Variants in RAB24 observed in about 807,000 individuals in gnomAD.
The protein encoded by RAB24 is RAB24, member RAS oncogene family.
RAB24 carries 9 observed loss-of-function variants against 31.4 expected under a neutral mutation model. The observed-to-expected ratio is 0.29, with a 90% CI of 0.17 to 0.50. The LOEUF is 0.50. Ranked by LOEUF, RAB24 falls within the 20% of genes least tolerant of loss-of-function variation. The pLI is 0.98. For missense variants in RAB24, 197 were observed against 265.2 expected (o/e 0.74, Z 1.79); for synonymous variants, 106 against 94.1 (o/e 1.13, Z -0.73).
Position 177,301,609 on chromosome 5 carries a change from C to G in RAB24, c.*134G>C, listed in dbSNP as rs1239490178. 2 of 999,042 alleles carry G rather than the reference C, an allele frequency of 2.0e-6. No homozygotes were observed. Among genetic ancestry groups the G allele is most frequent in the African/African-American group, 3.2e-5 (2 of 62,146 alleles). The allele number at this position is 999,042 out of a possible 1,614,324, so 61.9% of individuals were successfully genotyped here. A position where few individuals can be genotyped will look rare whatever the true frequency, so the allele number is the denominator to read the frequency against. On this transcript the variant is annotated 3_prime_UTR_variant, in exon 8 of 8. Transcript: ENST00000303251. ...ATGCTGTCTCCGTTCCATGGGCCAG[C>G]ACAGGCAGGCGCCACTCTGCTGACA...
intron 4 of RAB24, 32 bp from the exon 5 acceptor site, chr5:177,302,528 G>A (rs374645118): frequency 2.5e-6 from 4 of 1,613,830 alleles, no homozygotes; most frequent in South Asian, 2.2e-5. Flanking sequence ...ACCTCCACAG[G>A]CCAACAAAAC....
In RAB24 at chr5:177,303,150, T is replaced by A; in HGVS notation, c.117+22A>T. On this transcript the variant is annotated intron_variant, in intron 1 of 7. Transcript: ENST00000303251. This position sits in a 1 kb window ranked among gnomAD's most constrained non-coding sequence, Gnocchi z 6.1. The stretch of plus-strand genomic sequence containing the variant: ...CCCCCACTCCCCCGCCCACCGTGCC[T>A]GGCCCCTCCGGATGCACTCACGTTC... The A allele has an allele frequency of 1.9e-6, 3 of 1,598,318 alleles. No homozygotes were observed. The highest frequency in any genetic ancestry group is 2.6e-6 in the Non-Finnish European group (3 of 1,166,526).
In RAB24 at chr5:177,303,002, G is replaced by GACTT. The variant is rs1561590166; in HGVS notation, c.186+3_186+6dup. ...GTCTCCCAAGAATAGATGGCCGGGG[G>GACTT]ACTTACCCAAATACCTAATGTCACA... On this transcript the variant is annotated splice_region_variant and intron_variant, in intron 2 of 7. Coordinates refer to ENST00000303251, the MANE Select transcript of RAB24 (RefSeq NM_001031677.4). This position sits in a 1 kb window ranked among gnomAD's most constrained non-coding sequence, Gnocchi z 6.1. The GACTT allele has an allele frequency of 6.2e-7, 1 of 1,613,916 alleles. No homozygotes were observed. The highest frequency in any genetic ancestry group is 1.1e-5 in the South Asian group (1 of 91,082).
In RAB24 at chr5:177,301,824, T is replaced by G; in HGVS notation, c.548-17A>C. The G allele has an allele frequency of 6.2e-7, 1 of 1,614,024 alleles. No individual in the cohort carries two copies. Among genetic ancestry groups the G allele is most frequent in the Non-Finnish European group, 8.5e-7 (1 of 1,179,974 alleles). On this transcript the variant is annotated splice_polypyrimidine_tract_variant and intron_variant, in intron 7 of 7. Coordinates refer to ENST00000303251, the MANE Select transcript of RAB24 (RefSeq NM_001031677.4). ...CCTTGTCCTCTGTCAAAAAGAGAGG[T>G]GGCAGCTCAGCACCATTCTGTTGGG... is the stretch of plus-strand genomic sequence containing the variant.
chr5:177,302,256 G>A, intron 5 of RAB24, 78 bp from the exon 6 acceptor site: 2 of 1,578,834 alleles, frequency 1.3e-6, no homozygotes, highest in Non-Finnish European at 1.7e-6. Context: ...AGTTCAGGGA[G>A]TCTCCTGGAC....
chr5:177,301,512 A>T lies in RAB24; in HGVS notation c.*231T>A, dbSNP rs1760647036. 1.7e-6 allele frequency: 1 copy of T among 586,620 alleles called. No homozygotes were observed. Among genetic ancestry groups the T allele is most frequent in the African/African-American group, 1.9e-5 (1 of 53,724 alleles). The allele number at this position is 586,620 out of a possible 1,614,324, so 36.3% of individuals were successfully genotyped here. ...AAAGCCACTTAAATAATCTGCAGAC[A>T]CAAGTGCTGTCCAGGGCAGAAGCCT... is the stretch of plus-strand genomic sequence containing the variant. On this transcript the variant is annotated 3_prime_UTR_variant, in exon 8 of 8. Coordinates refer to ENST00000303251, the MANE Select transcript of RAB24 (RefSeq NM_001031677.4).
Position 177,301,393 on chromosome 5 carries a change from C to A in RAB24, c.*350G>T. 3.6e-6 allele frequency: 1 copy of A among 281,016 alleles called. No individual in the cohort carries two copies. The highest frequency in any genetic ancestry group is 6.8e-6 in the Non-Finnish European group (1 of 146,336). 17.4% of individuals were successfully genotyped at this position (281,016 alleles called of 1,614,324 possible). The stretch of plus-strand genomic sequence containing the variant: ...ATAAGCAGTGAGGCCAGCCGGGTGG[C>A]CCCAGGAAGAACTAGGTGTCTTGAC... On this transcript the variant is annotated 3_prime_UTR_variant, in exon 8 of 8. Transcript: ENST00000303251.
intron 5 of RAB24, 25 bp downstream of exon 5, chr5:177,302,369 ACCC>A (rs779133049): frequency 1.2e-6 from 2 of 1,607,048 alleles, no homozygotes; most frequent in Non-Finnish European, 1.7e-6. Flanking sequence ...ACACACCCCC[ACCC>A]CCCAAAGGGC....
At chr5:177,302,876 C>T (rs1269902977) in intron 2 of RAB24, 46 bp from the exon 3 acceptor site, 2 of 1,604,958 alleles carry the variant, frequency 1.2e-6, no homozygotes, top group East Asian at 4.5e-5. Flanking sequence ...GTTCTCCAGA[C>T]CCCGCTATTT....
Position 177,302,989 on chromosome 5 carries a change from T to C in RAB24, c.186+20A>G, listed in dbSNP as rs762048494. ...TCCTCAGGAATGAGTCTCCCAAGAA[T>C]AGATGGCCGGGGGACTTACCCAAAT... On this transcript the variant is annotated intron_variant, in intron 2 of 7. Transcript: ENST00000303251. 2.5e-6 allele frequency: 4 copies of C among 1,612,902 alleles called. No individual in the cohort carries two copies. The African/African-American group carries it at 4.0e-5, about 16-fold the overall frequency.
rs768220706 is a variant in RAB24 at position 177,302,734 on chromosome 5, AACCC to A, written c.265+14_265+17del. The A allele has an allele frequency of 3.9e-6, 5 of 1,292,092 alleles. No individual in the cohort carries two copies. The African/African-American group carries it at 1.2e-4, about 31-fold the overall frequency. The allele number at this position is 1,292,092 out of a possible 1,614,324, so 80.0% of individuals were successfully genotyped here. A position where few individuals can be genotyped will look rare whatever the true frequency, so the allele number is the denominator to read the frequency against. On this transcript the variant is annotated intron_variant, in intron 3 of 7. Coordinates refer to ENST00000303251, the MANE Select transcript of RAB24 (RefSeq NM_001031677.4). Reference sequence around the variant, plus strand: ...CCATCTTTTCTTGTGAGACAGCCCAAACCCCCCCCCCCCTTACCATAGCAGACGA... The same window carrying A: ...CCATCTTTTCTTGTGAGACAGCCCAACCCCCCCCCTTACCATAGCAGACGA...
In RAB24 at chr5:177,301,949, C is replaced by T; in HGVS notation, c.523G>A (p.Val175Met). ...CCTGTCATCACCTGGAAGGCAGCCACACTGACGTAATCCTCTGCCACTTTC... is the reference window on the plus strand; with the variant it reads ...CCTGTCATCACCTGGAAGGCAGCCATACTGACGTAATCCTCTGCCACTTTC... ...FQKVAEDYVS[V>M]AAFQVMTEDK... The change falls in exon 7 of 8, where the codon GTG becomes ATG. Residue 175 changes from valine to methionine, a missense_variant. Transcript: ENST00000303251. 1 of 1,614,234 alleles carries T rather than the reference C, an allele frequency of 6.2e-7. No homozygotes were observed. The highest frequency in any genetic ancestry group is 1.3e-5 in the African/African-American group (1 of 75,058).
chr5:177,302,545 C>T (rs1760715233), intron 4 of RAB24, 32 bp downstream of exon 4: 2 of 1,614,110 alleles, frequency 1.2e-6, no homozygotes, highest in South Asian at 1.1e-5. Flanking sequence ...AAACCCCAGC[C>T]CCTAGTGTTC....
At position 177,302,723 on chromosome 5, in the gene RAB24, G is replaced by T. The variant is rs1205598582; in HGVS notation, c.265+29C>A. The T allele has an allele frequency of 1.3e-5, 20 of 1,599,804 alleles. No individual in the cohort carries two copies. The Admixed American group carries it at 3.4e-4, about 27-fold the overall frequency. On this transcript the variant is annotated intron_variant, in intron 3 of 7. Coordinates refer to ENST00000303251, the MANE Select transcript of RAB24 (RefSeq NM_001031677.4). The stretch of plus-strand genomic sequence containing the variant: ...TAGCCTGGCACCCATCTTTTCTTGT[G>T]AGACAGCCCAAACCCCCCCCCCCCT...
chr5:177,302,719 TTG>T (rs1321485552), intron 3 of RAB24, 31 bp downstream of exon 3: 6 of 1,606,684 alleles, frequency 3.7e-6, no homozygotes, highest in African/African-American at 1.4e-5. Flanking sequence ...CCATCTTTTC[TTG>T]TGAGACAGCC....
At chr5:177,302,206 T>C (rs777707780) in intron 5 of RAB24, 28 bp from the exon 6 acceptor site, 3 of 1,612,028 alleles carry the variant, frequency 1.9e-6, no homozygotes, top group Non-Finnish European at 1.7e-6. Flanking sequence ...TAAAGCCTCA[T>C]ACCTGAGAAT....
Position 177,302,004 on chromosome 5 carries a change from T to TG in RAB24, c.485-18dup, listed in dbSNP as rs1760679437. On this transcript the variant is annotated splice_polypyrimidine_tract_variant and intron_variant, in intron 6 of 7. Coordinates refer to ENST00000303251, the MANE Select transcript of RAB24 (RefSeq NM_001031677.4). ...AGAGCTCGTCTGGCAGGAAAAATGATGATCAGCGAGGGCCCAATGCCAGTA... is the reference window on the plus strand; with the variant it reads ...AGAGCTCGTCTGGCAGGAAAAATGATGGATCAGCGAGGGCCCAATGCCAGTA... The TG allele has an allele frequency of 6.2e-7, 1 of 1,614,068 alleles. No individual in the cohort carries two copies. The highest frequency in any genetic ancestry group is 1.1e-5 in the South Asian group (1 of 91,086).
At position 177,303,709 on chromosome 5, in the gene RAB24, G is replaced by C. The variant is rs1389563826; in HGVS notation, c.-421C>G. ...CCGCAGCGCCGCGACTCCCGCGGGAGGGGGCTAGAGGGCGAGGGGGCGGGG... is the reference window on the plus strand; with the variant it reads ...CCGCAGCGCCGCGACTCCCGCGGGACGGGGCTAGAGGGCGAGGGGGCGGGG... On this transcript the variant is annotated 5_prime_UTR_variant, in exon 1 of 8. Coordinates refer to ENST00000303251, the MANE Select transcript of RAB24 (RefSeq NM_001031677.4). The surrounding 1 kb of genome is among the most constrained non-coding windows in gnomAD (Gnocchi z 6.1). 2.8e-6 allele frequency: 1 copy of C among 358,310 alleles called. No individual in the cohort carries two copies. Among genetic ancestry groups the C allele is most frequent in the Non-Finnish European group, 5.0e-6 (1 of 200,514 alleles). The allele number at this position is 358,310 out of a possible 1,614,324, so 22.2% of individuals were successfully genotyped here. A position where few individuals can be genotyped will look rare whatever the true frequency, so the allele number is the denominator to read the frequency against.
Position 177,303,432 on chromosome 5 carries a change from C to A in RAB24, c.-144G>T, listed in dbSNP as rs969763050. On this transcript the variant is annotated 5_prime_UTR_variant, in exon 1 of 8. Transcript: ENST00000303251. The surrounding 1 kb of genome is among the most constrained non-coding windows in gnomAD (Gnocchi z 6.1). Reference sequence around the variant, plus strand: ...CTACGACTCCAGACAGCGCGTCGGGCTCGAGCTCTGGCCGTGGCCTTGCAC... The same window carrying A: ...CTACGACTCCAGACAGCGCGTCGGGATCGAGCTCTGGCCGTGGCCTTGCAC... The A allele has an allele frequency of 5.5e-6, 4 of 729,276 alleles. No homozygotes were observed. In the African/African-American group the frequency reaches 7.0e-5, roughly 13 times the overall value. 45.2% of individuals were successfully genotyped at this position (729,276 alleles called of 1,614,324 possible). A position where few individuals can be genotyped will look rare whatever the true frequency, so the allele number is the denominator to read the frequency against.
Sources: gnomAD v4.1 joint callset for allele counts on GRCh38, gnomAD v4.1.1 for gene constraint, Gnocchi (gnomAD v3.1) non-coding constraint, MANE v1.5 for transcripts, NCBI Gene and HGNC (gene_info 2026-07-23, HGNC 2026-07-21) for gene names.